SPPL3: variants seen among roughly 807,000 people sequenced by gnomAD.
The protein encoded by SPPL3 is signal peptide peptidase like 3.
SPPL3 carries 5 observed loss-of-function variants against 42.4 expected under a neutral mutation model. The ratio of observed to expected loss-of-function variants is 0.12; its 90% CI spans 0.06 to 0.25. The LOEUF (loss-of-function observed/expected upper bound fraction) is 0.25, where lower values mean the gene tolerates loss of function less well. Among genes scored for constraint, SPPL3 ranks in the 10% least tolerant of loss-of-function variants. SPPL3 has a pLI of 1.00. For synonymous variants in SPPL3, 195 were observed against 181.8 expected (o/e 1.07, Z -0.58); for missense variants, 235 against 489.0 (o/e 0.48, Z 4.90).
At chr12:120,814,694 C>T (rs1186023089) in intron 1 of SPPL3, among the ~76,000 whole-genome samples, 1 of 151,886 alleles carries the variant, frequency 6.6e-6, no homozygotes, top group Non-Finnish European at 1.5e-5. Flanking sequence ...TAGTCATCAC[C>T]CAACCCCCAC....
Position 120,877,653 on chromosome 12 carries a change from C to A in SPPL3, c.23+26192G>T, listed in dbSNP as rs1262820307. On this transcript the variant is annotated intron_variant, in intron 1 of 10. Coordinates refer to ENST00000353487, the MANE Select transcript of SPPL3 (RefSeq NM_139015.5). ...AAAATTAGCTGGGTGTGGTGGCAGGCACCTGGAGTCTCAGCTACTCGGGGG... is the reference window on the plus strand; with the variant it reads ...AAAATTAGCTGGGTGTGGTGGCAGGAACCTGGAGTCTCAGCTACTCGGGGG... 2.0e-5 allele frequency among the ~76,000 whole-genome samples: 3 copies of A among 151,946 alleles called. No individual in the cohort carries two copies. In the South Asian group the frequency reaches 6.2e-4, roughly 32 times the overall value.
chr12:120,855,333 T>C (rs957077535), intron 1 of SPPL3, among the ~76,000 whole-genome samples: 14 of 152,198 alleles, frequency 9.2e-5, no homozygotes, highest in African/African-American at 2.9e-4. Flanking sequence ...AAGTAAATCA[T>C]AGGCCCTGGC....
intron 1 of SPPL3, among the ~76,000 whole-genome samples, chr12:120,892,571 T>A (rs1873673921): frequency 6.6e-6 from 1 of 152,090 alleles, no homozygotes; most frequent in Admixed American, 6.5e-5. Flanking sequence ...ACGTAATATT[T>A]AAAGGAAATA....
At chr12:120,806,001 CTTTTT>C (rs397710393) in intron 2 of SPPL3, among the ~76,000 whole-genome samples, 2 of 132,964 alleles carry the variant, frequency 1.5e-5, no homozygotes, top group Non-Finnish European at 3.2e-5. Context: ...TCCCTGCAGG[CTTTTT>C]TTTTTTTTTT....
chr12:120,773,577 C>T (rs185820980), intron 6 of SPPL3, among the ~76,000 whole-genome samples: 11 of 152,232 alleles, frequency 7.2e-5, no homozygotes, highest in South Asian at 2.1e-4. Context: ...CCAGGCTCCT[C>T]GGGGTAAGTT....
intron 1 of SPPL3, among the ~76,000 whole-genome samples, chr12:120,824,347 A>C (rs1871173795): frequency 6.6e-6 from 1 of 152,122 alleles, no homozygotes; most frequent in Non-Finnish European, 1.5e-5. Context: ...TCTGGTGGAA[A>C]CGTTAGCAAA....
intron 3 of SPPL3, among the ~76,000 whole-genome samples, chr12:120,791,040 G>T (rs553124914): frequency 6.6e-6 from 1 of 152,088 alleles, no homozygotes; most frequent in Non-Finnish European, 1.5e-5. Flanking sequence ...AGCTGATCTT[G>T]AACTCCCAAC....
At chr12:120,844,489 AT>A (rs1383874884) in intron 1 of SPPL3, among the ~76,000 whole-genome samples, 1 of 152,032 alleles carries the variant, frequency 6.6e-6, no homozygotes, top group East Asian at 1.9e-4. Flanking sequence ...CTGTCTACCT[AT>A]CTGATCTCAA....
chr12:120,861,205 G>A (rs1219393930), intron 1 of SPPL3, among the ~76,000 whole-genome samples: 1 of 152,202 alleles, frequency 6.6e-6, no homozygotes, highest in East Asian at 1.9e-4. Context: ...AATCAACTCT[G>A]CCATTCTAGC....
chr12:120,769,155 C>A (rs540442440), intron 6 of SPPL3, 96 bp from the exon 7 acceptor site: 4 of 965,032 alleles, frequency 4.1e-6, no homozygotes, highest in Non-Finnish European at 6.2e-6. Context: ...GTTTGCAATT[C>A]CCTCAAAAAT....
intron 6 of SPPL3, among the ~76,000 whole-genome samples, 157 bp downstream of exon 6, chr12:120,782,498 G>A (rs922215964): frequency 6.6e-6 from 1 of 152,040 alleles, no homozygotes; most frequent in Non-Finnish European, 1.5e-5. Context: ...GGGGAGGTGG[G>A]TAAGGGGAAT....
At chr12:120,856,598 C>T (rs146329576) in intron 1 of SPPL3, among the ~76,000 whole-genome samples, 177 of 144,860 alleles carry the variant, frequency 1.2e-3, no homozygotes, top group Admixed American at 0.012. Context: ...TCTGGAACGA[C>T]GGCAGCATTC....
intron 1 of SPPL3, among the ~76,000 whole-genome samples, chr12:120,819,981 T>C (rs950127080): frequency 3.3e-5 from 5 of 152,118 alleles, no homozygotes; most frequent in Non-Finnish European, 7.3e-5. Flanking sequence ...AGACAAGTAA[T>C]GTTAGTAGTA....
intron 1 of SPPL3, among the ~76,000 whole-genome samples, chr12:120,870,806 G>A (rs999614531): frequency 2.0e-5 from 3 of 152,106 alleles, no homozygotes; most frequent in African/African-American, 7.2e-5. Context: ...GTGGAATGGT[G>A]GCTGCCAGGG....
intron 2 of SPPL3, among the ~76,000 whole-genome samples, chr12:120,792,830 A>C (rs1869966501): frequency 1.3e-5 from 2 of 152,260 alleles, no homozygotes; most frequent in South Asian, 4.2e-4. Flanking sequence ...GGTAGGACAG[A>C]GGAACTGACT....
In SPPL3 at chr12:120,762,895, C is replaced by T. The variant is rs1868715378; in HGVS notation, c.*2104G>A. On this transcript the variant is annotated 3_prime_UTR_variant, in exon 11 of 11. Transcript: ENST00000353487. Reference sequence around the variant, plus strand: ...GCATGAAGGATAACGTTATTTCTACCCATCACTGGCACTTGCCCTTAATCC... The same window carrying T: ...GCATGAAGGATAACGTTATTTCTACTCATCACTGGCACTTGCCCTTAATCC... The T allele has an allele frequency of 6.6e-6, 1 of 152,232 alleles. No individual in the cohort carries two copies. The highest frequency in any genetic ancestry group is 2.4e-5 in the African/African-American group (1 of 41,444). 9.4% of individuals were successfully genotyped at this position (152,232 alleles called of 1,614,324 possible).
chr12:120,851,275 C>T (rs1306914898), intron 1 of SPPL3, among the ~76,000 whole-genome samples: 1 of 152,154 alleles, frequency 6.6e-6, no homozygotes, highest in Non-Finnish European at 1.5e-5. Flanking sequence ...ACCACTTCTC[C>T]TCCACCAGGC....
At chr12:120,804,080 T>C (rs1156916388) in intron 2 of SPPL3, among the ~76,000 whole-genome samples, 2 of 152,170 alleles carry the variant, frequency 1.3e-5, no homozygotes, top group African/African-American at 4.8e-5. Context: ...GTTGTCTTCC[T>C]AGAGTAGGTT....
At chr12:120,805,196 T>C (rs766877312) in intron 2 of SPPL3, among the ~76,000 whole-genome samples, 1 of 152,220 alleles carries the variant, frequency 6.6e-6, no homozygotes, top group Non-Finnish European at 1.5e-5. Flanking sequence ...ACCCACTGAA[T>C]TGTATACTTT....
Sources: gnomAD v4.1 joint callset for allele counts (sites outside exome capture counted in the v4.1 genomes callset) on GRCh38, gnomAD v4.1.1 for gene constraint, MANE v1.5 for transcripts, NCBI Gene and HGNC (gene_info 2026-07-23, HGNC 2026-07-21) for gene names.